Variants in ITGB3BP observed in about 807,000 individuals in gnomAD.
The protein encoded by ITGB3BP is integrin subunit beta 3 binding protein.
ITGB3BP carries 27 observed loss-of-function variants against 29.1 expected under a neutral mutation model. The ratio of observed to expected loss-of-function variants is 0.93; its 90% CI spans 0.68 to 1.28. The LOEUF (loss-of-function observed/expected upper bound fraction) is 1.28, where lower values mean the gene tolerates loss of function less well. ITGB3BP is among the 50% of genes most tolerant of loss of function. ITGB3BP has a pLI of 0.00. For missense variants in ITGB3BP, 192 were observed against 200.2 expected, an observed-to-expected ratio of 0.96 and a Z score of 0.25; for synonymous variants, 61 against 61.4, an observed-to-expected ratio of 0.99 and a Z score of 0.03.
At chr1:63,452,692 C>A (rs1299381075) in intron 7 of ITGB3BP, among the ~76,000 whole-genome samples, 1 of 150,028 alleles carries the variant, frequency 6.7e-6, no homozygotes, top group Non-Finnish European at 1.5e-5. Context: ...CTTTCATGTT[C>A]TTAAATTCTT....
chr1:63,472,437 TCCCTCTCCCTCTCCCCTCTC>T lies in ITGB3BP; in HGVS notation c.254+6307_254+6326del, dbSNP rs1301104697. Reference sequence around the variant, plus strand: ...GATCATTTAAAACTGATCCACCCTCTCCCTCTCCCTCTCCCCTCTCCCCTCTCCCCTCTCCCCTCTCTCCT... The same window carrying T: ...GATCATTTAAAACTGATCCACCCTCTCCCTCTCCCCTCTCCCCTCTCTCCT... On this transcript the variant is annotated intron_variant, in intron 4 of 8. Coordinates refer to ENST00000271002, the MANE Select transcript of ITGB3BP (RefSeq NM_014288.5). Among the ~76,000 whole-genome samples the T allele has an allele frequency of 2.3e-4, 24 of 105,708 alleles. 1 individual carries two copies. The highest frequency in any genetic ancestry group is 9.8e-4 in the East Asian group (3 of 3,054). The allele number at this position is 105,708 out of a possible 152,430, so 69.3% of individuals were successfully genotyped here. A position where few individuals can be genotyped will look rare whatever the true frequency, so the allele number is the denominator to read the frequency against.
At chr1:63,503,453 C>T (rs1290791565) in intron 2 of ITGB3BP, among the ~76,000 whole-genome samples, 2 of 152,102 alleles carry the variant, frequency 1.3e-5, no homozygotes, top group Non-Finnish European at 2.9e-5. Flanking sequence ...TTCTCCCATT[C>T]TGTAGGTTGC....
chr1:63,522,978 G>C (rs750898980), intron 1 of ITGB3BP, 151 bp downstream of exon 1: 2 of 872,360 alleles, frequency 2.3e-6, no homozygotes, highest in Non-Finnish European at 4.0e-6. Flanking sequence ...TAGAGTTGAG[G>C]GTACCAAGCG....
chr1:63,447,282 A>G (rs1644801622), intron 7 of ITGB3BP, among the ~76,000 whole-genome samples: 1 of 152,182 alleles, frequency 6.6e-6, no homozygotes, highest in Admixed American at 6.6e-5. Context: ...GAAAATAGCA[A>G]TTTATAAGTA....
chr1:63,452,444 A>C (rs889205030), intron 7 of ITGB3BP, among the ~76,000 whole-genome samples: 10 of 152,114 alleles, frequency 6.6e-5, no homozygotes, highest in Non-Finnish European at 1.3e-4. Flanking sequence ...AAACTTGTCA[A>C]CTTAGGAGAG....
chr1:63,466,687 C>T (rs1390983454), intron 4 of ITGB3BP, among the ~76,000 whole-genome samples: 1 of 152,220 alleles, frequency 6.6e-6, no homozygotes, highest in Non-Finnish European at 1.5e-5. Flanking sequence ...TACACCATCA[C>T]TTATAGTCTT....
intron 3 of ITGB3BP, among the ~76,000 whole-genome samples, chr1:63,480,777 G>A (rs185770814): frequency 1.3e-5 from 2 of 152,132 alleles, no homozygotes; most frequent in East Asian, 3.9e-4. Flanking sequence ...TATTTGACAA[G>A]TCTTTATCCT....
chr1:63,475,867 G>A (rs925910212), intron 4 of ITGB3BP, among the ~76,000 whole-genome samples: 3 of 151,474 alleles, frequency 2.0e-5, no homozygotes, highest in Non-Finnish European at 2.9e-5. Context: ...GCATGGTAGC[G>A]GGTGCCTGTA....
intron 4 of ITGB3BP, among the ~76,000 whole-genome samples, chr1:63,466,542 G>A (rs1473568492): frequency 6.6e-6 from 1 of 152,156 alleles, no homozygotes. Context: ...ATATCTACAA[G>A]GCTAGTTTCA....
chr1:63,446,875 G>GTTT lies in ITGB3BP; in HGVS notation c.485-22_485-20dup. The GTTT allele has an allele frequency of 2.9e-6, 4 of 1,364,516 alleles. No individual in the cohort carries two copies. The highest frequency in any genetic ancestry group is 4.0e-6 in the Non-Finnish European group (4 of 992,092). 84.5% of individuals were successfully genotyped at this position (1,364,516 alleles called of 1,614,324 possible). A position where few individuals can be genotyped will look rare whatever the true frequency, so the allele number is the denominator to read the frequency against. On this transcript the variant is annotated intron_variant, in intron 7 of 8. Transcript: ENST00000271002. Reference sequence around the variant, plus strand: ...CGTGATGCTATATGAAAGAAGAAAGGTTTTTTTTTTCAGAAAACAATTCAA... The same window carrying GTTT: ...CGTGATGCTATATGAAAGAAGAAAGGTTTTTTTTTTTTTCAGAAAACAATTCAA...
chr1:63,492,754 T>C (rs1334933801), intron 2 of ITGB3BP, among the ~76,000 whole-genome samples: 3 of 150,854 alleles, frequency 2.0e-5, no homozygotes, highest in Non-Finnish European at 4.4e-5. Context: ...AAGCAAGGAC[T>C]CAGGATGTAA....
chr1:63,515,822 A>T, intron 1 of ITGB3BP, among the ~76,000 whole-genome samples: 1 of 79,108 alleles, frequency 1.3e-5, no homozygotes, highest in Non-Finnish European at 2.5e-5. Flanking sequence ...CAAGACTCCA[A>T]CTTAAAAAAA....
intron 2 of ITGB3BP, among the ~76,000 whole-genome samples, chr1:63,491,385 G>A (rs557629474): frequency 6.6e-6 from 1 of 152,240 alleles, no homozygotes; most frequent in South Asian, 2.1e-4. Flanking sequence ...TCAGAGAAGA[G>A]GAAAAATTCA....
chr1:63,472,366 A>AAG (rs1432416149), intron 4 of ITGB3BP, among the ~76,000 whole-genome samples: 13 of 125,680 alleles, frequency 1.0e-4, no homozygotes, highest in Admixed American at 3.5e-4. Context: ...TATTTTTGCA[A>AAG]AAAAAAAAAA....
At chr1:63,478,390 GGCTTCACTGTTTCTA>G (rs1419720001) in intron 4 of ITGB3BP, among the ~76,000 whole-genome samples, 2 of 152,210 alleles carry the variant, frequency 1.3e-5, no homozygotes, top group African/African-American at 4.8e-5. Context: ...TCACTCTGCT[GGCTTCACTGTTTCTA>G]GCTCCATCCT....
chr1:63,524,125 G>A (rs1000507141), upstream of ITGB3BP, among the ~76,000 whole-genome samples: 4 of 152,180 alleles, frequency 2.6e-5, no homozygotes, highest in Middle Eastern at 3.4e-3. Flanking sequence ...TTCTGCCTTG[G>A]GATTTCCATG....
At chr1:63,461,800 C>G (rs985180859) in intron 4 of ITGB3BP, among the ~76,000 whole-genome samples, 2 of 152,142 alleles carry the variant, frequency 1.3e-5, no homozygotes, top group Admixed American at 1.3e-4. Flanking sequence ...TGTTTTGGAC[C>G]CCCAATTCTA....
intron 3 of ITGB3BP, among the ~76,000 whole-genome samples, chr1:63,480,334 G>C (rs1233037918): frequency 6.6e-6 from 1 of 152,016 alleles, no homozygotes; most frequent in Non-Finnish European, 1.5e-5. Flanking sequence ...TGTTTTATGA[G>C]CTATTTAGTT....
In ITGB3BP at chr1:63,442,021, C is replaced by CA. The variant is rs1266231623; in HGVS notation, c.*2-919dup. On this transcript the variant is annotated intron_variant, in intron 8 of 8. Transcript: ENST00000271002. The stretch of plus-strand genomic sequence containing the variant: ...GAGGGACTGCTTGAGCCCAGGAGGT[C>CA]AAGGATGCAGTGAGCTATGATTGCA... 2.6e-5 allele frequency among the ~76,000 whole-genome samples: 4 copies of CA among 152,134 alleles called. No individual in the cohort carries two copies. The East Asian group carries it at 7.7e-4, about 29-fold the overall frequency.
Sources: gnomAD v4.1 joint callset for allele counts (sites outside exome capture counted in the v4.1 genomes callset) on GRCh38, gnomAD v4.1.1 for gene constraint, MANE v1.5 for transcripts, NCBI Gene and HGNC (gene_info 2026-07-23, HGNC 2026-07-21) for gene names.